The following LAMA2 variants were observed in gnomAD, a reference collection of about 807,000 sequenced individuals.
LAMA2 encodes laminin subunit alpha 2, also known as laminin subunit alpha-2.
A neutral mutation model predicts 364.8 loss-of-function variants in LAMA2; 269 were observed. The observed-to-expected ratio is 0.74, with a 90% CI of 0.67 to 0.82. LAMA2 has a LOEUF of 0.82. Ranked by LOEUF, LAMA2 falls within the 40% of genes least tolerant of loss-of-function variation. The probability of loss-of-function intolerance (pLI) is 0.00; values close to 1 mark genes in which losing one functional copy is unlikely to be tolerated. For missense variants in LAMA2, 3,807 were observed against 3,873.2 expected (o/e 0.98, Z 0.45); for synonymous variants, 1,379 against 1,370.6 (o/e 1.01, Z -0.14).
At chr6:129,267,663 T>G (rs1487816058) in intron 16 of LAMA2, among the ~76,000 whole-genome samples, 1 of 152,142 alleles carries the variant, frequency 6.6e-6, no homozygotes, top group Non-Finnish European at 1.5e-5. Flanking sequence ...ATACTACATA[T>G]TTTTATTTAA....
At chr6:128,922,166 A>G (rs1206072374) in intron 1 of LAMA2, among the ~76,000 whole-genome samples, 1 of 152,020 alleles carries the variant, frequency 6.6e-6, no homozygotes, top group Non-Finnish European at 1.5e-5. Flanking sequence ...CACAATAAAC[A>G]TACCTGTGTA....
chr6:129,306,758 A>AT (rs199503835), intron 22 of LAMA2, among the ~76,000 whole-genome samples: 1 of 151,752 alleles, frequency 6.6e-6, no homozygotes, highest in Non-Finnish European at 1.5e-5. Flanking sequence ...AATTGAGTCT[A>AT]TTTTTTATTT....
At chr6:129,228,342 C>T (rs887698082) in intron 12 of LAMA2, among the ~76,000 whole-genome samples, 1 of 152,056 alleles carries the variant, frequency 6.6e-6, no homozygotes, top group African/African-American at 2.4e-5. Flanking sequence ...CTGTCCTGCA[C>T]CCACTGTCAG....
At chr6:129,041,819 A>C (rs1787119172) in intron 1 of LAMA2, among the ~76,000 whole-genome samples, 1 of 152,078 alleles carries the variant, frequency 6.6e-6, no homozygotes, top group African/African-American at 2.4e-5. Context: ...CATGGGCAAC[A>C]TAGTGAGACC....
chr6:129,212,665 T>G (rs1324409808), intron 12 of LAMA2, among the ~76,000 whole-genome samples: 1 of 152,326 alleles, frequency 6.6e-6, no homozygotes, highest in East Asian at 1.9e-4. Flanking sequence ...TGGGTTAAAA[T>G]CAAGCCACTT....
At chr6:129,495,603 A>G (rs1303261344) in intron 58 of LAMA2, among the ~76,000 whole-genome samples, 2 of 152,148 alleles carry the variant, frequency 1.3e-5, no homozygotes, top group Admixed American at 1.3e-4. Flanking sequence ...CTCTACCACT[A>G]GAACATCCTC....
chr6:129,076,499 A>AT lies in LAMA2; in HGVS notation c.396+16603_396+16604insT, dbSNP rs56673184. On this transcript the variant is annotated intron_variant, in intron 3 of 64. Transcript: ENST00000421865. ...ATAATATATCTTATATATTATATATAAATATATATATATAATATATATAAA... is the reference window on the plus strand; with the variant it reads ...ATAATATATCTTATATATTATATATATAATATATATATATAATATATATAAA... Among the ~76,000 whole-genome samples the AT allele has an allele frequency of 1.5e-3, 18 of 12,208 alleles. 1 individual carries two copies. Among genetic ancestry groups the AT allele is most frequent in the Admixed American group, 0.013 (9 of 684 alleles). 8.0% of individuals were successfully genotyped at this position (12,208 alleles called of 152,430 possible). A position where few individuals can be genotyped will look rare whatever the true frequency, so the allele number is the denominator to read the frequency against.
Position 128,955,250 on chromosome 6 carries a change from C to T in LAMA2, c.112+71893C>T, listed in dbSNP as rs1260112315. Among the ~76,000 whole-genome samples, 4 of 151,946 alleles carry T rather than the reference C, an allele frequency of 2.6e-5. No individual in the cohort carries two copies. In the East Asian group the frequency reaches 7.7e-4, roughly 29 times the overall value. Reference sequence around the variant, plus strand: ...ATTACATACCAGGAAATGTCCTGAACTCTTTACACATGATTCATTAATTTT... The same window carrying T: ...ATTACATACCAGGAAATGTCCTGAATTCTTTACACATGATTCATTAATTTT... On this transcript the variant is annotated intron_variant, in intron 1 of 64. Transcript: ENST00000421865.
At chr6:129,206,571 T>G (rs569603016) in intron 12 of LAMA2, among the ~76,000 whole-genome samples, 1 of 152,352 alleles carries the variant, frequency 6.6e-6, no homozygotes, top group East Asian at 1.9e-4. Flanking sequence ...AGCACTCTTA[T>G]CTTTTCAAGT....
intron 5 of LAMA2, among the ~76,000 whole-genome samples, chr6:129,146,041 A>G (rs1583131083): frequency 6.6e-6 from 1 of 152,016 alleles, no homozygotes; most frequent in Non-Finnish European, 1.5e-5. Context: ...CAAAGACACT[A>G]TATGTATGTA....
At chr6:129,167,027 T>A (rs1249021681) in intron 9 of LAMA2, among the ~76,000 whole-genome samples, 2 of 152,310 alleles carry the variant, frequency 1.3e-5, no homozygotes, top group East Asian at 3.9e-4. Context: ...TACTTTTCAA[T>A]TATTGTAAAA....
rs756599307 is a variant in LAMA2, at chr6:129,440,865, C to T, written c.6135C>T (p.Asn2045=). 1.7e-5 allele frequency: 28 copies of T among 1,613,802 alleles called. No individual in the cohort carries two copies. Among genetic ancestry groups the T allele is most frequent in the Admixed American group, 6.7e-5 (4 of 59,948 alleles). Residue 2045 remains asparagine (N), a synonymous_variant, in exon 43 of 65, where the codon AAC becomes AAT. Coordinates refer to ENST00000421865, the MANE Select transcript of LAMA2 (RefSeq NM_000426.4). ...QAVKDKARQA[N]DTAKDVLAQI... ...TTAAGGACAAAGCCAGACAAGCCAA[C>T]GACACAGCTAAAGATGTACTGGCAC...
intron 9 of LAMA2, among the ~76,000 whole-genome samples, chr6:129,172,498 G>T (rs764410151): frequency 1.3e-5 from 2 of 152,220 alleles, no homozygotes; most frequent in Non-Finnish European, 2.9e-5. Context: ...GGGGTCAGGG[G>T]TCAGGGACCC....
intron 62 of LAMA2, among the ~76,000 whole-genome samples, 187 bp from the exon 63 acceptor site, chr6:129,512,176 C>T (rs77190617): frequency 4.3e-4 from 65 of 152,240 alleles, no homozygotes; most frequent in Admixed American, 2.1e-3. Context: ...TAAGCAATAA[C>T]TAACTATGGA....
intron 12 of LAMA2, among the ~76,000 whole-genome samples, chr6:129,231,798 A>G (rs191413759): frequency 2.0e-5 from 3 of 152,218 alleles, no homozygotes; most frequent in Admixed American, 2.0e-4. Flanking sequence ...TTGGAGGAAC[A>G]TATGCCCTCC....
At chr6:129,412,143 T>C (rs955507813) in intron 40 of LAMA2, among the ~76,000 whole-genome samples, 2 of 152,182 alleles carry the variant, frequency 1.3e-5, no homozygotes, top group Non-Finnish European at 2.9e-5. Context: ...TATACACAGA[T>C]ATATTATATA....
rs757077922 is a variant in LAMA2, at chr6:129,465,219, C to T, written c.7230C>T (p.Ser2410=). The T allele has an allele frequency of 1.6e-5, 26 of 1,610,994 alleles. No homozygotes were observed. Among genetic ancestry groups the T allele is most frequent in the East Asian group, 1.6e-4 (7 of 44,764 alleles). Residue 2410 remains serine (S), a synonymous_variant, in exon 51 of 65, where the codon TCC becomes TCT. Coordinates refer to ENST00000421865, the MANE Select transcript of LAMA2 (RefSeq NM_000426.4). ...ACGATCTGGGCTCAGGAATGGCTTC[C>T]GTTGTCAGCAATCAAAACCATAATG... The part of the protein sequence containing the change: ...VSYDLGSGMA[S]VVSNQNHNDG...
At chr6:128,922,097 T>C (rs1179216309) in intron 1 of LAMA2, among the ~76,000 whole-genome samples, 28 of 152,214 alleles carry the variant, frequency 1.8e-4, no homozygotes, top group East Asian at 9.7e-4. Flanking sequence ...TTTCTTAATC[T>C]AGTCTATCTT....
rs557166684 is a variant in LAMA2 at position 129,464,501 on chromosome 6, T to A, written c.7155+49T>A. 8 of 1,436,746 alleles carry A rather than the reference T, an allele frequency of 5.6e-6. 1 individual carries two copies. The South Asian group carries it at 9.1e-5, about 16-fold the overall frequency. The allele number at this position is 1,436,746 out of a possible 1,614,324, so 89.0% of individuals were successfully genotyped here. A position where few individuals can be genotyped will look rare whatever the true frequency, so the allele number is the denominator to read the frequency against. On this transcript the variant is annotated intron_variant, in intron 50 of 64. Transcript: ENST00000421865. ...GTTTCCGTGACTAAAATGCGTTTGC[T>A]TCTTTTATCAGTTATTGGTAAAATC...
Sources: allele counts gnomAD v4.1 joint callset (sites outside exome capture counted in the v4.1 genomes callset), GRCh38; gene constraint gnomAD v4.1.1; transcripts MANE v1.5; gene names NCBI Gene and HGNC (gene_info 2026-07-23, HGNC 2026-07-21).